SPIN1: variants seen among roughly 807,000 people sequenced by gnomAD.
The protein encoded by SPIN1 is spindlin-1.
Under a neutral mutation model 26.0 loss-of-function variants are expected in SPIN1, and 3 were observed. The observed-to-expected ratio is 0.12, with a 90% CI of 0.05 to 0.30. The LOEUF (loss-of-function observed/expected upper bound fraction) is 0.30. SPIN1 is among the 10% of genes least tolerant of loss of function. The pLI is 1.00. For synonymous variants in SPIN1, 101 were observed against 116.5 expected (o/e 0.87, Z 0.86); for missense variants, 126 against 333.4 (o/e 0.38, Z 4.84).
chr9:88,446,174 T>C (rs1828247251), intron 2 of SPIN1, among the ~76,000 whole-genome samples: 1 of 152,208 alleles, frequency 6.6e-6, no homozygotes. Flanking sequence ...TGGGTTCATA[T>C]GCATTTAAGA....
chr9:88,459,125 T>G (rs150404249), intron 3 of SPIN1, among the ~76,000 whole-genome samples: 2 of 152,344 alleles, frequency 1.3e-5, no homozygotes, highest in East Asian at 3.9e-4. Context: ...ATGACTGAAT[T>G]CTATCCTTAG....
intron 1 of SPIN1, among the ~76,000 whole-genome samples, chr9:88,419,551 G>A (rs1005626361): frequency 6.6e-6 from 1 of 152,130 alleles, no homozygotes; most frequent in African/African-American, 2.4e-5. Flanking sequence ...TATTTATTTT[G>A]TGGCACTGAA....
At chr9:88,391,734 A>T (rs1007201439) in intron 1 of SPIN1, 1 of 152,162 alleles carries the variant, frequency 6.6e-6, no homozygotes, top group Non-Finnish European at 1.5e-5. Flanking sequence ...GACATCTCTG[A>T]GCAGAAGAGA....
At chr9:88,450,836 G>A (rs929939463) in intron 3 of SPIN1, among the ~76,000 whole-genome samples, 23 of 152,138 alleles carry the variant, frequency 1.5e-4, no homozygotes, top group African/African-American at 5.1e-4. Context: ...CCACATTCAC[G>A]AATGATGATT....
At chr9:88,470,606 T>C (rs1027231624) in intron 5 of SPIN1, among the ~76,000 whole-genome samples, 2 of 151,990 alleles carry the variant, frequency 1.3e-5, no homozygotes. Context: ...CCCCCCTTTT[T>C]TTTTTTGAGA....
chr9:88,462,878 A>G (rs1828598198), intron 4 of SPIN1, 129 bp downstream of exon 4: 2 of 1,155,600 alleles, frequency 1.7e-6, no homozygotes, highest in Non-Finnish European at 1.2e-6. Flanking sequence ...TAAACATTAT[A>G]TTAAATCACC....
At chr9:88,428,382 C>T (rs1827801955) in intron 2 of SPIN1, among the ~76,000 whole-genome samples, 1 of 152,124 alleles carries the variant, frequency 6.6e-6, no homozygotes, top group African/African-American at 2.4e-5. Context: ...ATATTTATGT[C>T]CACATGAACC....
chr9:88,452,506 C>T (rs529884786), intron 3 of SPIN1, among the ~76,000 whole-genome samples: 1 of 152,294 alleles, frequency 6.6e-6, no homozygotes, highest in South Asian at 2.1e-4. Context: ...ACATTGAATG[C>T]TTTTTAATCA....
chr9:88,459,467 T>A (rs1828534354), intron 3 of SPIN1, among the ~76,000 whole-genome samples: 1 of 152,160 alleles, frequency 6.6e-6, no homozygotes, highest in Non-Finnish European at 1.5e-5. Flanking sequence ...TATATATTGG[T>A]TCCTTACTGT....
At chr9:88,434,344 GTTTATTTTATAAATTATAAAATAGTTTAT>G (rs879539681) in intron 2 of SPIN1, among the ~76,000 whole-genome samples, 8,127 of 119,756 alleles carry the variant, frequency 0.068, 714 homozygotes, top group African/African-American at 0.25. Context: ...TTATAAAATA[GTTTATTTTATAAATTATAAAATAGTTTAT>G]TTTATAAATT....
intron 5 of SPIN1, among the ~76,000 whole-genome samples, chr9:88,471,654 C>CAAAAAAAAAAAA (rs1166469042): frequency 1.7e-5 from 1 of 59,746 alleles, no homozygotes; most frequent in Non-Finnish European, 2.8e-5. Flanking sequence ...GACTCTGTCT[C>CAAAAAAAAAAAA]AAAAAAAAAA....
chr9:88,442,168 G>T (rs1212393286), intron 2 of SPIN1, among the ~76,000 whole-genome samples: 1 of 151,646 alleles, frequency 6.6e-6, no homozygotes, highest in African/African-American at 2.4e-5. Context: ...TACAAGGCAG[G>T]TCTGTTGGTG....
intron 3 of SPIN1, among the ~76,000 whole-genome samples, chr9:88,459,483 A>T (rs375734831): frequency 6.6e-6 from 1 of 152,166 alleles, no homozygotes; most frequent in East Asian, 1.9e-4. Context: ...ACTGTGAACA[A>T]TACTGAATTT....
chr9:88,430,231 G>C (rs530410154), intron 2 of SPIN1, among the ~76,000 whole-genome samples: 18 of 152,290 alleles, frequency 1.2e-4, no homozygotes, highest in African/African-American at 4.1e-4. Context: ...CATCTCAAAG[G>C]CTTCTTCACT....
intron 1 of SPIN1, among the ~76,000 whole-genome samples, chr9:88,392,887 C>T (rs1316768058): frequency 6.6e-6 from 1 of 152,086 alleles, no homozygotes; most frequent in African/African-American, 2.4e-5. Flanking sequence ...ATTTGGGGGC[C>T]ACCTTTTAAA....
intron 3 of SPIN1, among the ~76,000 whole-genome samples, chr9:88,455,554 A>G (rs1156871262): frequency 6.6e-6 from 1 of 152,266 alleles, no homozygotes; most frequent in East Asian, 1.9e-4. Context: ...AAACTTATTT[A>G]TAATGCCATC....
Position 88,415,911 on chromosome 9 carries a change from T to G in SPIN1, c.-158-10471T>G, listed in dbSNP as rs1215702875. ...GGCGCCAGCCACCATGCTCGGCTAATTTTTTTTTTTTTTTTTTTGTATTTT... is the reference window on the plus strand; with the variant it reads ...GGCGCCAGCCACCATGCTCGGCTAAGTTTTTTTTTTTTTTTTTTGTATTTT... On this transcript the variant is annotated intron_variant, in intron 1 of 5. Transcript: ENST00000375859. Among the ~76,000 whole-genome samples the G allele has an allele frequency of 1.5e-4, 12 of 79,468 alleles. No individual in the cohort carries two copies. The African/African-American group carries it at 2.6e-3, about 17-fold the overall frequency. 52.1% of individuals were successfully genotyped at this position (79,468 alleles called of 152,430 possible).
chr9:88,415,658 G>A (rs1827545082), intron 1 of SPIN1: 1 of 152,202 alleles, frequency 6.6e-6, no homozygotes, highest in African/African-American at 2.4e-5. Context: ...CTGGACTCAA[G>A]TGATCTTCCT....
chr9:88,437,603 T>C (rs1022214530), intron 2 of SPIN1, among the ~76,000 whole-genome samples: 2 of 152,198 alleles, frequency 1.3e-5, no homozygotes, highest in South Asian at 2.1e-4. Context: ...TGGATAAATA[T>C]TGAGCACAAC....
Sources: allele counts gnomAD v4.1 joint callset (sites outside exome capture counted in the v4.1 genomes callset), GRCh38; gene constraint gnomAD v4.1.1; transcripts MANE v1.5; gene names NCBI Gene and HGNC (gene_info 2026-07-23, HGNC 2026-07-21).